HAUS7: variants seen among roughly 807,000 people sequenced by gnomAD.
HAUS7 encodes the protein HAUS augmin like complex subunit 7.
A neutral mutation model predicts 28.4 loss-of-function variants in HAUS7; 3 were observed. That is an observed-to-expected ratio of 0.11 (90% CI 0.05 to 0.27). HAUS7 has a LOEUF of 0.27. HAUS7 is among the 10% of genes least tolerant of loss of function. HAUS7 has a pLI of 1.00. For synonymous variants in HAUS7, 165 were observed against 132.1 expected, an observed-to-expected ratio of 1.25 and a Z score of -1.71; for missense variants, 284 against 297.3, an observed-to-expected ratio of 0.96 and a Z score of 0.33.
At chrX:153,464,920 T>C (rs2089437254) in intron 3 of HAUS7, 68 bp downstream of exon 3, 8 of 753,019 alleles carry the variant, frequency 1.1e-5, no homozygotes, top group Non-Finnish European at 1.7e-5. Flanking sequence ...GTTGGTCCAA[T>C]GGAACATGCA....
upstream of HAUS7, among the ~76,000 whole-genome samples, chrX:153,474,805 GC>G (rs1556985966): frequency 9.2e-6 from 1 of 108,705 alleles, no homozygotes; most frequent in African/African-American, 3.3e-5. Context: ...GCGGGCGGGG[GC>G]GAGCGCTGCT....
At chrX:153,488,389 A>G (rs1241775625) in intron 1 of HAUS7, among the ~76,000 whole-genome samples, 1 of 113,078 alleles carries the variant, frequency 8.8e-6, no homozygotes, top group African/African-American at 3.2e-5. Context: ...TCGCCCCGCC[A>G]TCAGCTCTGC....
At chrX:153,480,796 G>T in intron 1 of HAUS7, 1 of 755,015 alleles carries the variant, frequency 1.3e-6, no homozygotes, top group Non-Finnish European at 1.6e-6. Flanking sequence ...CACAACAAGG[G>T]CCTGGTCGCT....
chrX:153,461,062 G>A (rs1569530988), intron 4 of HAUS7, among the ~76,000 whole-genome samples: 1 of 112,219 alleles, frequency 8.9e-6, no homozygotes, highest in African/African-American at 3.3e-5. Context: ...GACCCGAAGA[G>A]CCATGCAAAG....
rs1415086634 is a variant in HAUS7, at chrX:153,490,642, T to C, written c.-589+4732A>G. Among the ~76,000 whole-genome samples the C allele has an allele frequency of 6.2e-5, 7 of 112,964 alleles. No homozygotes were observed. In the East Asian group the frequency reaches 8.4e-4, roughly 14 times the overall value. ...CCCCCGAGGGTGCCGACACTGGGAA[T>C]GGACGAAGCCCACAGGCTCGGAGTG... On this transcript the variant is annotated intron_variant, in intron 1 of 5. Transcript: ENST00000370210.
At chrX:153,494,733 C>CGGGGG (rs1556990287) in intron 1 of HAUS7, among the ~76,000 whole-genome samples, 8 of 2,109 alleles carry the variant, frequency 3.8e-3, no homozygotes, top group South Asian at 0.015. Flanking sequence ...CTGCCCCAGG[C>CGGGGG]GGGGGAGGGG....
chrX:153,464,861 A>G, intron 3 of HAUS7, 127 bp downstream of exon 3: 2 of 524,976 alleles, frequency 3.8e-6, no homozygotes, highest in Non-Finnish European at 6.8e-6. Context: ...GGTGGGGTTC[A>G]AGAAGGCTCT....
At chrX:153,453,953 G>A (rs1434789619) in intron 9 of HAUS7, among the ~76,000 whole-genome samples, 4 of 109,912 alleles carry the variant, frequency 3.6e-5, no homozygotes, top group Non-Finnish European at 7.6e-5. Context: ...CCAAGTAGCT[G>A]AGACTGCAGG....
At chrX:153,491,863 G>C (rs782583857) in intron 1 of HAUS7, among the ~76,000 whole-genome samples, 1 of 113,328 alleles carries the variant, frequency 8.8e-6, no homozygotes, top group East Asian at 2.8e-4. Flanking sequence ...CTCCCGGGCT[G>C]GGATGCAAGG....
intron 1 of HAUS7, among the ~76,000 whole-genome samples, chrX:153,479,007 T>C (rs5986972): frequency 0.057 from 6,309 of 110,827 alleles, 439 homozygotes; most frequent in African/African-American, 0.2. Flanking sequence ...CCGTCCGGTC[T>C]GAGGAAAGGG....
At chrX:153,462,557 C>T in intron 4 of HAUS7, 53 bp downstream of exon 4, 2 of 970,070 alleles carry the variant, frequency 2.1e-6, no homozygotes, top group Middle Eastern at 2.9e-4. Context: ...AGGTTCCCTG[C>T]CCAGGGCAGA....
At chrX:153,490,789 C>A (rs2089666940) in intron 1 of HAUS7, among the ~76,000 whole-genome samples, 1 of 112,776 alleles carries the variant, frequency 8.9e-6, no homozygotes, top group Admixed American at 9.3e-5. Context: ...GAGCTACTCC[C>A]CAATGACAGG....
upstream of HAUS7, among the ~76,000 whole-genome samples, chrX:153,473,526 G>C (rs1321046002): frequency 1.8e-5 from 2 of 113,355 alleles, no homozygotes; most frequent in African/African-American, 3.2e-5. Flanking sequence ...AAGTTCCTCA[G>C]TAAGGGTGGA....
intron 1 of HAUS7, among the ~76,000 whole-genome samples, chrX:153,477,527 T>TG (rs1310679620): frequency 8.9e-6 from 1 of 112,872 alleles, no homozygotes; most frequent in Admixed American, 9.3e-5. Context: ...CTCTGTAAAA[T>TG]GGGGGGTCGA....
At chrX:153,492,858 G>A (rs1466997989) in intron 1 of HAUS7, among the ~76,000 whole-genome samples, 7 of 111,501 alleles carry the variant, frequency 6.3e-5, no homozygotes, top group South Asian at 3.8e-4. Context: ...GCGCCCCCAC[G>A]GTATTCAGAG....
intron 1 of HAUS7, among the ~76,000 whole-genome samples, chrX:153,494,576 C>T (rs1556990249): frequency 8.9e-6 from 1 of 112,112 alleles, no homozygotes; most frequent in East Asian, 2.8e-4. Flanking sequence ...AGCCCAAGGC[C>T]GCCTCCCCCT....
intron 2 of HAUS7, among the ~76,000 whole-genome samples, chrX:153,466,778 A>C (rs2089460108): frequency 8.9e-6 from 1 of 112,271 alleles, no homozygotes; most frequent in African/African-American, 3.2e-5. Flanking sequence ...GAATATCCCT[A>C]ATCTGAAAAC....
At chrX:153,461,586 G>T (rs1394648444) in intron 4 of HAUS7, 1 of 115,338 alleles carries the variant, frequency 8.7e-6, no homozygotes, top group Non-Finnish European at 1.8e-5. Context: ...ACATGAATAT[G>T]GAAATTTTTC....
intron 3 of HAUS7, 60 bp downstream of exon 3, chrX:153,464,928 G>A: frequency 1.3e-6 from 1 of 785,274 alleles, no homozygotes; most frequent in Non-Finnish European, 2.0e-6. Flanking sequence ...AATGGAACAT[G>A]CACCACCACT....
Sources: gnomAD v4.1 joint callset for allele counts (sites outside exome capture counted in the v4.1 genomes callset) on GRCh38, gnomAD v4.1.1 for gene constraint, MANE v1.5 for transcripts, NCBI Gene and HGNC (gene_info 2026-07-23, HGNC 2026-07-21) for gene names.